ADGRL4: variants seen among roughly 807,000 people sequenced by gnomAD.
ADGRL4 encodes the protein EGF, latrophilin and seven transmembrane domain containing 1.
A neutral mutation model predicts 74.8 loss-of-function variants in ADGRL4; 90 were observed. The observed-to-expected ratio is 1.20, with a 90% CI of 1.02 to 1.43. The LOEUF (loss-of-function observed/expected upper bound fraction) is 1.43. Among genes scored for constraint, ADGRL4 ranks in the 40% most tolerant of loss-of-function variants. The pLI is 0.00. For synonymous variants in ADGRL4, 311 were observed against 279.2 expected (o/e 1.11, Z -1.14); for missense variants, 881 against 814.3 (o/e 1.08, Z -1.00).
chr1:78,993,082 TAAG>T (rs1237997857), intron 2 of ADGRL4, among the ~76,000 whole-genome samples: 1 of 152,114 alleles, frequency 6.6e-6, no homozygotes, highest in African/African-American at 2.4e-5. Flanking sequence ...AAGTAACACT[TAAG>T]GAGGGTTAAA....
chr1:78,915,782 T>C (rs772553512), intron 12 of ADGRL4, among the ~76,000 whole-genome samples: 36 of 151,936 alleles, frequency 2.4e-4, no homozygotes, highest in Admixed American at 7.9e-4. Flanking sequence ...TCTAACATTG[T>C]GTTATATAGC....
intron 2 of ADGRL4, among the ~76,000 whole-genome samples, chr1:78,979,767 G>A (rs1303700405): frequency 1.3e-5 from 2 of 151,926 alleles, no homozygotes; most frequent in Non-Finnish European, 1.5e-5. Context: ...GATGGAGCAG[G>A]AGGCCGTTAT....
chr1:78,904,777 A>T (rs1364985507), intron 12 of ADGRL4, among the ~76,000 whole-genome samples: 3 of 152,058 alleles, frequency 2.0e-5, no homozygotes, highest in Non-Finnish European at 4.4e-5. Context: ...CTTGCGTGTA[A>T]AATGTGGATA....
At chr1:78,961,775 A>C (rs907319142) in intron 2 of ADGRL4, among the ~76,000 whole-genome samples, 2 of 152,098 alleles carry the variant, frequency 1.3e-5, no homozygotes, top group African/African-American at 4.8e-5. Context: ...CAGGCATGTG[A>C]CTAGGTAAGC....
chr1:79,005,332 G>A, intron 1 of ADGRL4, 113 bp from the exon 2 acceptor site: 4 of 885,894 alleles, frequency 4.5e-6, no homozygotes, highest in Admixed American at 3.9e-5. Flanking sequence ...TTAGATAAAT[G>A]GATTATAAAT....
intron 12 of ADGRL4, among the ~76,000 whole-genome samples, chr1:78,900,264 A>G (rs1306340025): frequency 6.6e-6 from 1 of 152,064 alleles, no homozygotes; most frequent in African/African-American, 2.4e-5. Context: ...ATAAAAATGG[A>G]AATGAATTCT....
In ADGRL4 at chr1:78,926,842, C is replaced by T. The variant is rs780883355; in HGVS notation, c.1083+44G>A. 2.2e-6 allele frequency: 3 copies of T among 1,384,584 alleles called. No individual in the cohort carries two copies. In the South Asian group the frequency reaches 3.6e-5, roughly 17 times the overall value. 85.8% of individuals were successfully genotyped at this position (1,384,584 alleles called of 1,614,324 possible). On this transcript the variant is annotated intron_variant, in intron 8 of 14. Coordinates refer to ENST00000370742, the MANE Select transcript of ADGRL4 (RefSeq NM_022159.4). ...CACAACAAAGAGTCCAGTTCTCTGA[C>T]TGTATCACAATCATAGCCAATAACT...
rs966437116 is a variant in ADGRL4 at position 78,930,885 on chromosome 1, A to G, written c.878-3794T>C. Among the ~76,000 whole-genome samples, 44 of 151,596 alleles carry G rather than the reference A, an allele frequency of 2.9e-4. 4 individuals are homozygous for G. Among genetic ancestry groups the G allele is most frequent in the African/African-American group, 1.1e-3 (43 of 40,916 alleles). ...AAGAAGGATATTCAGTTATTTAATC[A>G]TTAATTTGCTTGCTAGTACCAGAAT... On this transcript the variant is annotated intron_variant, in intron 7 of 14. Coordinates refer to ENST00000370742, the MANE Select transcript of ADGRL4 (RefSeq NM_022159.4).
At chr1:78,985,755 T>C (rs10782672) in intron 2 of ADGRL4, among the ~76,000 whole-genome samples, 21,748 of 151,682 alleles carry the variant, frequency 0.14, 1,889 homozygotes, top group East Asian at 0.36. Context: ...ACAACAATAG[T>C]GAAGACATGG....
rs1280833966 is a variant in ADGRL4, at chr1:78,917,659, A to C, written c.1724T>G (p.Ile575Arg). 1.9e-6 allele frequency: 3 copies of C among 1,605,630 alleles called. No individual in the cohort carries two copies. In the South Asian group the frequency reaches 3.3e-5, roughly 18 times the overall value. Reference sequence around the variant, plus strand: ...AAGAATGATTAGGCATGCTGGTCCTATAAAACTCCAAATAAAGTTGTTTTC... The same window carrying C: ...AAGAATGATTAGGCATGCTGGTCCTCTAAAACTCCAAATAAAGTTGTTTTC... ...STENNFIWSF[I>R]GPACLIILVN... The change falls in exon 12 of 15, where the codon ATA (isoleucine) becomes AGA (arginine). Residue 575 changes from isoleucine (I) to arginine (R), a missense_variant. By Grantham distance (97) the Ile-to-Arg change is moderately conservative. Coordinates refer to ENST00000370742, the MANE Select transcript of ADGRL4 (RefSeq NM_022159.4).
At chr1:78,968,847 A>G (rs975209380) in intron 2 of ADGRL4, among the ~76,000 whole-genome samples, 8 of 152,200 alleles carry the variant, frequency 5.3e-5, no homozygotes, top group Non-Finnish European at 8.8e-5. Flanking sequence ...ATGGCTTATA[A>G]TAAGCTACAG....
chr1:78,963,870 T>C (rs917791185), intron 2 of ADGRL4, among the ~76,000 whole-genome samples: 4 of 152,172 alleles, frequency 2.6e-5, no homozygotes, highest in Non-Finnish European at 5.9e-5. Context: ...TTGTTGCTGT[T>C]CAAAAAATGT....
intron 2 of ADGRL4, among the ~76,000 whole-genome samples, chr1:78,964,945 T>G (rs1433941523): frequency 6.6e-6 from 1 of 152,152 alleles, no homozygotes; most frequent in African/African-American, 2.4e-5. Context: ...ACCTATAAAG[T>G]GATTATATTA....
intron 8 of ADGRL4, among the ~76,000 whole-genome samples, chr1:78,922,490 AC>A (rs1649021172): frequency 6.6e-6 from 1 of 151,990 alleles, no homozygotes; most frequent in African/African-American, 2.4e-5. Context: ...TGACACACAG[AC>A]TGTGTGATAG....
intron 2 of ADGRL4, among the ~76,000 whole-genome samples, chr1:78,988,481 G>A (rs914759479): frequency 4.0e-5 from 6 of 151,864 alleles, no homozygotes; most frequent in Non-Finnish European, 7.4e-5. Context: ...ATCATCTACA[G>A]TTAACATAAA....
chr1:78,926,331 G>A (rs1019060930), intron 8 of ADGRL4, among the ~76,000 whole-genome samples: 9 of 151,926 alleles, frequency 5.9e-5, no homozygotes, highest in Non-Finnish European at 8.8e-5. Flanking sequence ...TAAATAGTTG[G>A]TTAGTTCTAA....
At chr1:78,963,297 T>C (rs920880480) in intron 2 of ADGRL4, among the ~76,000 whole-genome samples, 1 of 152,174 alleles carries the variant, frequency 6.6e-6, no homozygotes, top group East Asian at 1.9e-4. Flanking sequence ...GCATGTATAA[T>C]AGGTAATCAA....
At position 78,995,556 on chromosome 1, in the gene ADGRL4, G is replaced by A. The variant is rs1650696699; in HGVS notation, c.172+9514C>T. ...AGAGATCAGAGTTTAACACAACTGT[G>A]TAATAAAGTGGAAAGGGCACTGAGC... On this transcript the variant is annotated intron_variant, in intron 2 of 14. Coordinates refer to ENST00000370742, the MANE Select transcript of ADGRL4 (RefSeq NM_022159.4). Among the ~76,000 whole-genome samples, 4 of 152,184 alleles carry A rather than the reference G, an allele frequency of 2.6e-5. No homozygotes were observed. The South Asian group carries it at 6.2e-4, about 24-fold the overall frequency.
chr1:79,002,242 T>C (rs1393423513), intron 2 of ADGRL4, among the ~76,000 whole-genome samples: 6 of 152,156 alleles, frequency 3.9e-5, no homozygotes, highest in African/African-American at 1.4e-4. Flanking sequence ...TACAGTCAGC[T>C]TGCTATTGCT....
Sources: gnomAD v4.1 joint callset for allele counts (sites outside exome capture counted in the v4.1 genomes callset) on GRCh38, gnomAD v4.1.1 for gene constraint, MANE v1.5 for transcripts, NCBI Gene and HGNC (gene_info 2026-07-23, HGNC 2026-07-21) for gene names.